Variants in FRYL observed in about 807,000 individuals in gnomAD.
FRYL encodes the protein FRY like transcription coactivator, also known as protein furry homolog-like.
A neutral mutation model predicts 351.2 loss-of-function variants in FRYL; 150 were observed. That is an observed-to-expected ratio of 0.43 (90% CI 0.37 to 0.49). The LOEUF (loss-of-function observed/expected upper bound fraction) is 0.49, where lower values mean the gene tolerates loss of function less well. Among genes scored for constraint, FRYL ranks in the 20% least tolerant of loss-of-function variants. The pLI is 0.00. For missense variants in FRYL, 3,036 were observed against 3,619.3 expected, an observed-to-expected ratio of 0.84 and a Z score of 4.13; for synonymous variants, 1,153 against 1,257.1, an observed-to-expected ratio of 0.92 and a Z score of 1.75.
chr4:48,536,942 ATAGACTAT>A (rs1729028104), intron 47 of FRYL, among the ~76,000 whole-genome samples: 1 of 152,198 alleles, frequency 6.6e-6, no homozygotes, highest in Non-Finnish European at 1.5e-5. Context: ...AAGGTCGTGC[ATAGACTAT>A]TAACACAGTA....
intron 18 of FRYL, among the ~76,000 whole-genome samples, chr4:48,587,592 G>A (rs1742381379): frequency 6.6e-6 from 1 of 151,818 alleles, no homozygotes; most frequent in African/African-American, 2.4e-5. Flanking sequence ...TGCCCAGACT[G>A]GAGTGCAATG....
At chr4:48,685,402 C>T (rs1459222570) in intron 2 of FRYL, among the ~76,000 whole-genome samples, 1 of 152,084 alleles carries the variant, frequency 6.6e-6, no homozygotes, top group Non-Finnish European at 1.5e-5. Context: ...TTTCTCCTCC[C>T]TTTCTTCTGT....
intron 25 of FRYL, 52 bp downstream of exon 25, chr4:48,575,065 A>G (rs1282279338): frequency 6.3e-7 from 1 of 1,591,672 alleles, no homozygotes; most frequent in African/African-American, 1.3e-5. Flanking sequence ...ACACCTTCTA[A>G]GTAGCACATT....
At chr4:48,603,798 C>A (rs1746156230) in intron 11 of FRYL, among the ~76,000 whole-genome samples, 2 of 152,190 alleles carry the variant, frequency 1.3e-5, no homozygotes, top group Non-Finnish European at 2.9e-5. Context: ...CATGGGGACC[C>A]AGCCTTTGGA....
intron 3 of FRYL, chr4:48,653,787 A>G: frequency 7.8e-7 from 1 of 1,290,284 alleles, no homozygotes; most frequent in South Asian, 1.2e-5. Flanking sequence ...GACTCAACAT[A>G]GTGTCTCAAT....
Position 48,593,943 on chromosome 4 carries a change from G to T in FRYL, c.1322C>A (p.Thr441Asn). The stretch of plus-strand genomic sequence containing the variant: ...TAATTTTTTTACCTCTGGATTAATG[G>T]TGAAAGTTTTAGTAGATTTTCCAAC... ...LSVGKSTKTF[T>N]INPERMNIGL... The change falls in exon 16 of 64, where the codon ACC (threonine) becomes AAC (asparagine). Residue 441 changes from threonine to asparagine, a missense_variant. Transcript: ENST00000358350. 1 of 1,412,504 alleles carries T rather than the reference G, an allele frequency of 7.1e-7. No homozygotes were observed. Among genetic ancestry groups the T allele is most frequent in the Non-Finnish European group, 9.4e-7 (1 of 1,062,998 alleles). 87.5% of individuals were successfully genotyped at this position (1,412,504 alleles called of 1,614,324 possible).
chr4:48,700,104 A>T (rs546956098), intron 2 of FRYL, among the ~76,000 whole-genome samples: 1 of 152,270 alleles, frequency 6.6e-6, no homozygotes, highest in South Asian at 2.1e-4. Flanking sequence ...CACCTTAAGG[A>T]ATTTGTGGTG....
chr4:48,610,553 C>T (rs1374415672), intron 7 of FRYL, among the ~76,000 whole-genome samples: 1 of 150,014 alleles, frequency 6.7e-6, no homozygotes, highest in Admixed American at 6.7e-5. Flanking sequence ...AACAGCCACT[C>T]AATATGTATA....
rs1226492542 is a variant in FRYL at position 48,671,858 on chromosome 4, C to CAAAAAAAAAAA, written c.-81+12804_-81+12814dup. ...AGAGAGAGAGACTCCGTCTCAAAAA[C>CAAAAAAAAAAA]AAAAAAAAAAAAAACAAAAAAAAAA... On this transcript the variant is annotated intron_variant, in intron 3 of 63. Transcript: ENST00000358350. Among the ~76,000 whole-genome samples, 24 of 22,390 alleles carry CAAAAAAAAAAA rather than the reference C, an allele frequency of 1.1e-3. 2 individuals are homozygous for CAAAAAAAAAAA. The highest frequency in any genetic ancestry group is 3.9e-3 in the East Asian group (2 of 516). 14.7% of individuals were successfully genotyped at this position (22,390 alleles called of 152,430 possible). A position where few individuals can be genotyped will look rare whatever the true frequency, so the allele number is the denominator to read the frequency against.
intron 6 of FRYL, 32 bp from the exon 7 acceptor site, chr4:48,619,402 TAA>T (rs1335347080): frequency 3.1e-6 from 4 of 1,273,368 alleles, no homozygotes; most frequent in Non-Finnish European, 4.4e-6. Flanking sequence ...AGTACTGCAT[TAA>T]GATTATGACT....
At chr4:48,590,919 G>A (rs1743105207) in intron 16 of FRYL, 89 bp from the exon 17 acceptor site, 2 of 952,180 alleles carry the variant, frequency 2.1e-6, no homozygotes, top group South Asian at 3.5e-5. Context: ...TAACATCAGA[G>A]TTGGGGGGTG....
At chr4:48,707,278 A>G (rs1373614024) in intron 2 of FRYL, among the ~76,000 whole-genome samples, 1 of 152,236 alleles carries the variant, frequency 6.6e-6, no homozygotes, top group Non-Finnish European at 1.5e-5. Context: ...CCCAAGGAAA[A>G]AAAGTACACA....
rs765669145 is a variant in FRYL at position 48,575,080 on chromosome 4, C to A, written c.2846+37G>T. 2.3e-5 allele frequency: 37 copies of A among 1,608,274 alleles called. No individual in the cohort carries two copies. The South Asian group carries it at 3.1e-4, about 13-fold the overall frequency. ...ACACCTTCTAAGTAGCACATTTATT[C>A]TTTTAGGACATAGAAAAAATGTACG... On this transcript the variant is annotated intron_variant, in intron 25 of 63. Transcript: ENST00000358350.
chr4:48,603,494 C>A, intron 11 of FRYL, 106 bp from the exon 12 acceptor site: 1 of 726,084 alleles, frequency 1.4e-6, no homozygotes, highest in South Asian at 1.8e-5. Flanking sequence ...TAATAATTCA[C>A]TGAGACTCTC....
chr4:48,697,071 GAAT>G (rs955831434), intron 2 of FRYL, among the ~76,000 whole-genome samples: 40 of 152,132 alleles, frequency 2.6e-4, no homozygotes, highest in African/African-American at 9.6e-4. Flanking sequence ...TGAAGAAGAA[GAAT>G]AAAGGAAGCT....
chr4:48,581,315 A>T, intron 21 of FRYL, 105 bp downstream of exon 21: 1 of 911,458 alleles, frequency 1.1e-6, no homozygotes, highest in Non-Finnish European at 1.6e-6. Context: ...ACGGTAGGTT[A>T]GTTTAGACCC....
At chr4:48,672,266 TGGATGGA>T (rs1762873848) in intron 3 of FRYL, among the ~76,000 whole-genome samples, 1 of 152,218 alleles carries the variant, frequency 6.6e-6, no homozygotes, top group African/African-American at 2.4e-5. Flanking sequence ...CAGCTTAGTC[TGGATGGA>T]AGTGCCATCT....
At chr4:48,566,720 C>CT (rs1736882679) in intron 28 of FRYL, among the ~76,000 whole-genome samples, 1 of 152,180 alleles carries the variant, frequency 6.6e-6, no homozygotes, top group Non-Finnish European at 1.5e-5. Flanking sequence ...AGTCACATTA[C>CT]TTCTTACAGT....
intron 13 of FRYL, among the ~76,000 whole-genome samples, chr4:48,597,970 C>T (rs1744941278): frequency 6.6e-6 from 1 of 152,116 alleles, no homozygotes; most frequent in African/African-American, 2.4e-5. Context: ...AACAATTACA[C>T]AAATAAAAAT....
Sources: allele counts gnomAD v4.1 joint callset (sites outside exome capture counted in the v4.1 genomes callset), GRCh38; gene constraint gnomAD v4.1.1; transcripts MANE v1.5; gene names NCBI Gene and HGNC (gene_info 2026-07-23, HGNC 2026-07-21).